P3H2: variants seen among roughly 807,000 people sequenced by gnomAD.
P3H2 encodes the protein leprecan-like 1.
P3H2 carries 80 observed loss-of-function variants against 87.0 expected under a neutral mutation model. That is an observed-to-expected ratio of 0.92 (90% confidence interval 0.77 to 1.11). P3H2 has a LOEUF of 1.11. Among genes scored for constraint, P3H2 ranks in the 50% least tolerant of loss-of-function variants. The probability of loss-of-function intolerance (pLI) is 0.00; values close to 1 mark genes in which losing one functional copy is unlikely to be tolerated. For missense variants in P3H2, 1,001 were observed against 923.9 expected, an observed-to-expected ratio of 1.08 and a Z score of -1.08; for synonymous variants, 367 against 359.3, an observed-to-expected ratio of 1.02 and a Z score of -0.24.
chr3:190,085,176 T>TG lies in P3H2; in HGVS notation c.480+35075dup, dbSNP rs1395701859. On this transcript the variant is annotated intron_variant, in intron 1 of 14. Transcript: ENST00000319332. ...ACAGAGAAAAATCATGACTTTTGCT[T>TG]GGGGGCATAATAAATCAGAGAAAGA... Among the ~76,000 whole-genome samples the TG allele has an allele frequency of 3.9e-5, 6 of 152,054 alleles. No individual in the cohort carries two copies. In the East Asian group the frequency reaches 1.2e-3, roughly 29 times the overall value.
At chr3:190,089,577 T>C (rs918415177) in intron 1 of P3H2, among the ~76,000 whole-genome samples, 8 of 152,198 alleles carry the variant, frequency 5.3e-5, no homozygotes, top group Non-Finnish European at 5.9e-5. Context: ...GTCCTGACTC[T>C]AGAGGGTGGT....
At chr3:189,972,130 G>C in intron 11 of P3H2, 123 bp from the exon 12 acceptor site, 1 of 719,914 alleles carries the variant, frequency 1.4e-6, no homozygotes, top group Non-Finnish European at 2.6e-6. Flanking sequence ...CAGACAACAG[G>C]AAAGAACAGA....
chr3:189,962,973 T>C (rs1722861955), intron 14 of P3H2, among the ~76,000 whole-genome samples: 1 of 152,212 alleles, frequency 6.6e-6, no homozygotes, highest in Non-Finnish European at 1.5e-5. Context: ...TCTGCTACGA[T>C]GTTTTAGATT....
At chr3:190,095,787 A>G (rs963991836) in intron 1 of P3H2, among the ~76,000 whole-genome samples, 1 of 151,906 alleles carries the variant, frequency 6.6e-6, no homozygotes, top group African/African-American at 2.4e-5. Context: ...TATTTTTGGT[A>G]GAGACGGGGT....
rs2071829028 is a variant in P3H2 at position 190,093,708 on chromosome 3, T to G, written c.480+26544A>C. Among the ~76,000 whole-genome samples the G allele has an allele frequency of 4.6e-5, 7 of 152,234 alleles. No individual in the cohort carries two copies. The South Asian group carries it at 1.2e-3, about 27-fold the overall frequency. Reference sequence around the variant, plus strand: ...AAGAAAAAAAGTGATTGCTACTATTTACAGTGTTTGTTTGCTTTGTTTTGG... The same window carrying G: ...AAGAAAAAAAGTGATTGCTACTATTGACAGTGTTTGTTTGCTTTGTTTTGG... On this transcript the variant is annotated intron_variant, in intron 1 of 14. Coordinates refer to ENST00000319332, the MANE Select transcript of P3H2 (RefSeq NM_018192.4).
At chr3:190,000,074 T>C (rs189287860) in intron 1 of P3H2, among the ~76,000 whole-genome samples, 6 of 152,314 alleles carry the variant, frequency 3.9e-5, no homozygotes, top group South Asian at 2.1e-4. Flanking sequence ...AAAGCACACA[T>C]TGACTATTCA....
chr3:190,108,044 C>A (rs1028870553), intron 1 of P3H2, among the ~76,000 whole-genome samples: 2 of 151,950 alleles, frequency 1.3e-5, no homozygotes, highest in Non-Finnish European at 2.9e-5. Context: ...TGGACTCAAG[C>A]AATCTTCCAG....
intron 1 of P3H2, among the ~76,000 whole-genome samples, chr3:190,009,391 G>A (rs78541107): frequency 3.9e-4 from 60 of 152,130 alleles, no homozygotes; most frequent in Non-Finnish European, 4.6e-4. Context: ...GATGGTCTAC[G>A]AGAGAGCTGG....
chr3:190,034,253 A>C (rs1282767057), intron 1 of P3H2, among the ~76,000 whole-genome samples: 1 of 150,500 alleles, frequency 6.6e-6, no homozygotes, highest in Non-Finnish European at 1.5e-5. Flanking sequence ...GTCAAAAGTC[A>C]GGTTTAGTAA....
At chr3:190,111,244 T>A (rs838685) in intron 1 of P3H2, among the ~76,000 whole-genome samples, 64,218 of 152,100 alleles carry the variant, frequency 0.42, 15,361 homozygotes, top group African/African-American at 0.66. Context: ...TCATTTGGCA[T>A]ATAATGCAAG....
At chr3:190,055,324 G>A (rs1200360731) in intron 1 of P3H2, among the ~76,000 whole-genome samples, 1 of 152,002 alleles carries the variant, frequency 6.6e-6, no homozygotes, top group Non-Finnish European at 1.5e-5. Context: ...ATTTTCTTCT[G>A]CCAAAAAGTG....
chr3:189,967,811 C>T (rs563641956), intron 13 of P3H2, among the ~76,000 whole-genome samples: 11 of 152,196 alleles, frequency 7.2e-5, no homozygotes, highest in East Asian at 3.9e-4. Context: ...ACAATTTTAA[C>T]GAGAATCCTC....
chr3:189,978,581 C>T (rs13319933), intron 8 of P3H2, among the ~76,000 whole-genome samples: 44,615 of 150,880 alleles, frequency 0.3, 7,018 homozygotes, highest in East Asian at 0.52. Context: ...AGAAATATGC[C>T]TTTCATGTAG....
chr3:189,979,613 T>C (rs1723464204), intron 8 of P3H2, among the ~76,000 whole-genome samples: 2 of 151,970 alleles, frequency 1.3e-5, no homozygotes, highest in Admixed American at 6.6e-5. Flanking sequence ...TCCCCAACAT[T>C]GTTTCTACTA....
At chr3:189,966,758 A>G (rs1723019615) in intron 13 of P3H2, among the ~76,000 whole-genome samples, 1 of 152,236 alleles carries the variant, frequency 6.6e-6, no homozygotes, top group Non-Finnish European at 1.5e-5. Flanking sequence ...TGAATTCCCA[A>G]GTCTCACAAA....
chr3:189,989,092 G>A (rs988725231), intron 3 of P3H2, 54 bp from the exon 4 acceptor site: 44 of 1,608,016 alleles, frequency 2.7e-5, no homozygotes, highest in Admixed American at 5.0e-5. Context: ...GTGCCCAAAC[G>A]TCAACGTCAC....
chr3:190,012,958 C>T (rs1464334514), intron 1 of P3H2, among the ~76,000 whole-genome samples: 2 of 152,054 alleles, frequency 1.3e-5, no homozygotes, highest in African/African-American at 4.8e-5. Context: ...TATGTGCCTC[C>T]GATTGATCGT....
intron 8 of P3H2, among the ~76,000 whole-genome samples, chr3:189,980,194 G>C: frequency 6.6e-6 from 1 of 152,124 alleles, no homozygotes; most frequent in East Asian, 1.9e-4. Context: ...AGTCTCTTTG[G>C]GGAAGATGAG....
intron 1 of P3H2, among the ~76,000 whole-genome samples, chr3:189,998,896 C>T (rs1456066966): frequency 6.6e-6 from 1 of 152,118 alleles, no homozygotes; most frequent in Non-Finnish European, 1.5e-5. Context: ...AAGGAGCACA[C>T]AACCTAGATC....
Sources: allele counts gnomAD v4.1 joint callset (sites outside exome capture counted in the v4.1 genomes callset), GRCh38; gene constraint gnomAD v4.1.1; transcripts MANE v1.5; gene names NCBI Gene and HGNC (gene_info 2026-07-23, HGNC 2026-07-21).